UBAC2: variants seen among roughly 807,000 people sequenced by gnomAD.
UBAC2 encodes the protein UBA domain containing 2, also known as ubiquitin-associated domain-containing protein 2.
A neutral mutation model predicts 44.0 loss-of-function variants in UBAC2; 26 were observed. The ratio of observed to expected loss-of-function variants is 0.59; its 90% CI spans 0.43 to 0.82. The LOEUF (loss-of-function observed/expected upper bound fraction) is 0.82. Among genes scored for constraint, UBAC2 ranks in the 40% least tolerant of loss-of-function variants. UBAC2 has a pLI of 0.00. For synonymous variants in UBAC2, 155 were observed against 154.3 expected, an observed-to-expected ratio of 1.00 and a Z score of -0.04; for missense variants, 329 against 419.4, an observed-to-expected ratio of 0.78 and a Z score of 1.88.
intron 4 of UBAC2, among the ~76,000 whole-genome samples, chr13:99,275,630 T>C (rs1216153759): frequency 2.0e-5 from 3 of 152,200 alleles, no homozygotes; most frequent in Non-Finnish European, 2.9e-5. Context: ...GTTTCTTCAC[T>C]ACCTGCCTCT....
chr13:99,369,668 C>A (rs2045379996), intron 8 of UBAC2, among the ~76,000 whole-genome samples: 2 of 152,164 alleles, frequency 1.3e-5, no homozygotes, highest in Non-Finnish European at 2.9e-5. Context: ...CGCTTGTAAT[C>A]TCAAAGTATC....
At chr13:99,348,156 A>G (rs189887676) in intron 7 of UBAC2, among the ~76,000 whole-genome samples, 43 of 152,304 alleles carry the variant, frequency 2.8e-4, no homozygotes, top group Non-Finnish European at 5.3e-4. Context: ...CCCCAGTAGA[A>G]TATGAGCTCT....
chr13:99,259,434 T>C (rs1381080755), intron 4 of UBAC2, among the ~76,000 whole-genome samples: 1 of 152,158 alleles, frequency 6.6e-6, no homozygotes, highest in African/African-American at 2.4e-5. Context: ...AAAATACTTT[T>C]GATTGTTACA....
In UBAC2 at chr13:99,295,889, G is replaced by C; in HGVS notation, c.390-18208G>C. On this transcript the variant is annotated intron_variant, in intron 4 of 8. Coordinates refer to ENST00000403766, the MANE Select transcript of UBAC2 (RefSeq NM_001144072.2). The surrounding 1 kb of genome is among the most constrained non-coding windows in gnomAD (Gnocchi z 4.1). ...GCCCATTGCATAGTAGGCTATTCGT[G>C]TAGGCAAAGCGGTGGTAAAAAGTAT... The C allele has an allele frequency of 6.2e-7, 1 of 1,611,954 alleles. No homozygotes were observed. Among genetic ancestry groups the C allele is most frequent in the Non-Finnish European group, 8.5e-7 (1 of 1,178,692 alleles).
At chr13:99,228,504 G>T (rs144344568) in intron 1 of UBAC2, among the ~76,000 whole-genome samples, 2 of 152,218 alleles carry the variant, frequency 1.3e-5, no homozygotes, top group East Asian at 3.9e-4. Context: ...ATGTTGGCCA[G>T]GCTAGTCTCA....
chr13:99,222,019 A>G (rs1271898365), intron 1 of UBAC2, among the ~76,000 whole-genome samples: 1 of 152,162 alleles, frequency 6.6e-6, no homozygotes, highest in African/African-American at 2.4e-5. Flanking sequence ...TCTGCCTCAT[A>G]GGGTTATTTT....
intron 4 of UBAC2, among the ~76,000 whole-genome samples, chr13:99,248,016 C>T (rs1012840101): frequency 3.9e-5 from 6 of 152,130 alleles, no homozygotes; most frequent in Admixed American, 1.3e-4. Context: ...TTTCATGAAA[C>T]CACCTGCTCT....
intron 4 of UBAC2, among the ~76,000 whole-genome samples, chr13:99,245,086 G>A (rs1284390440): frequency 5.9e-5 from 9 of 152,014 alleles, no homozygotes; most frequent in African/African-American, 1.9e-4. Context: ...CACCCGCCTC[G>A]GCCTCCCAAA....
At chr13:99,357,978 G>T (rs981295492) in intron 7 of UBAC2, among the ~76,000 whole-genome samples, 4 of 152,234 alleles carry the variant, frequency 2.6e-5, no homozygotes, top group African/African-American at 7.2e-5. Context: ...ACAAGATGGA[G>T]AATCACAGTC....
Position 99,295,161 on chromosome 13 carries a change from C to A in UBAC2, c.390-18936C>A. ...GACTTCACAGCACTAGAAATCGATA[C>A]ACTGACTTGCCGTTTCAGCATCCTC... On this transcript the variant is annotated intron_variant, in intron 4 of 8. Coordinates refer to ENST00000403766, the MANE Select transcript of UBAC2 (RefSeq NM_001144072.2). This position sits in a 1 kb window ranked among gnomAD's most constrained non-coding sequence, Gnocchi z 4.1. 2 of 1,614,152 alleles carry A rather than the reference C, an allele frequency of 1.2e-6. No homozygotes were observed. The highest frequency in any genetic ancestry group is 1.7e-6 in the Non-Finnish European group (2 of 1,180,012).
intron 8 of UBAC2, among the ~76,000 whole-genome samples, chr13:99,379,566 C>T (rs1461851474): frequency 6.6e-6 from 1 of 152,208 alleles, no homozygotes; most frequent in Non-Finnish European, 1.5e-5. Context: ...CATTAAGTGG[C>T]AGGTGTTCAC....
At chr13:99,207,850 A>G (rs1318101755) in intron 1 of UBAC2, among the ~76,000 whole-genome samples, 1 of 152,140 alleles carries the variant, frequency 6.6e-6, no homozygotes, top group Non-Finnish European at 1.5e-5. Flanking sequence ...GCTAAAATGG[A>G]CACCAACATT....
At chr13:99,354,157 A>G (rs2045140516) in intron 7 of UBAC2, among the ~76,000 whole-genome samples, 1 of 152,246 alleles carries the variant, frequency 6.6e-6, no homozygotes, top group African/African-American at 2.4e-5. Flanking sequence ...ACTGTCCACA[A>G]CTGTGGCTCT....
intron 4 of UBAC2, among the ~76,000 whole-genome samples, chr13:99,288,183 TG>T (rs2044044846): frequency 6.6e-6 from 1 of 152,212 alleles, no homozygotes; most frequent in South Asian, 2.1e-4. Context: ...AAAATCTGCC[TG>T]GGAAAAGTCA....
intron 7 of UBAC2, among the ~76,000 whole-genome samples, chr13:99,350,868 G>A (rs1051490224): frequency 1.3e-5 from 2 of 152,236 alleles, no homozygotes; most frequent in African/African-American, 2.4e-5. Context: ...CTGGGAGACA[G>A]TGTGGGGATT....
At position 99,201,034 on chromosome 13, in the gene UBAC2, C is replaced by T. The variant is rs922113400; in HGVS notation, c.31+95C>T. The T allele has an allele frequency of 3.1e-6, 4 of 1,296,498 alleles. 1 individual carries two copies. Among genetic ancestry groups the T allele is most frequent in the Middle Eastern group, 4.0e-4 (2 of 4,992 alleles). 80.3% of individuals were successfully genotyped at this position (1,296,498 alleles called of 1,614,324 possible). On this transcript the variant is annotated intron_variant, in intron 1 of 8. Coordinates refer to ENST00000403766, the MANE Select transcript of UBAC2 (RefSeq NM_001144072.2). ...GGGCAGCGGGGACCCTCGGGTTTGCCGGAGGTGGTGGGGCCGACCCTCCAG... is the reference window on the plus strand; with the variant it reads ...GGGCAGCGGGGACCCTCGGGTTTGCTGGAGGTGGTGGGGCCGACCCTCCAG...
At chr13:99,223,930 A>G (rs1438499006) in intron 1 of UBAC2, among the ~76,000 whole-genome samples, 1 of 152,102 alleles carries the variant, frequency 6.6e-6, no homozygotes, top group Non-Finnish European at 1.5e-5. Context: ...AATGCTCCAT[A>G]TGCACTTGAA....
chr13:99,361,624 G>T (rs2045265948), intron 7 of UBAC2, among the ~76,000 whole-genome samples: 1 of 152,026 alleles, frequency 6.6e-6, no homozygotes, highest in Non-Finnish European at 1.5e-5. Flanking sequence ...TTGACATTTT[G>T]ATCCAGACCA....
At chr13:99,211,512 T>A (rs2042936735) in intron 1 of UBAC2, among the ~76,000 whole-genome samples, 1 of 152,208 alleles carries the variant, frequency 6.6e-6, no homozygotes, top group Non-Finnish European at 1.5e-5. Context: ...TATTATTGGT[T>A]TTAATGATAA....
Sources: allele counts gnomAD v4.1 joint callset (sites outside exome capture counted in the v4.1 genomes callset), GRCh38; gene constraint gnomAD v4.1.1; non-coding constraint Gnocchi (gnomAD v3.1); transcripts MANE v1.5; gene names NCBI Gene and HGNC (gene_info 2026-07-23, HGNC 2026-07-21).